Variants in GPSM2 observed in about 807,000 individuals in gnomAD.
The protein encoded by GPSM2 is G protein-signaling modulator 2.
Under a neutral mutation model 78.4 loss-of-function variants are expected in GPSM2, and 58 were observed. The observed-to-expected ratio is 0.74, with a 90% CI of 0.60 to 0.92. GPSM2 has a LOEUF of 0.92. Among genes scored for constraint, GPSM2 ranks in the 40% least tolerant of loss-of-function variants. GPSM2 has a pLI of 0.00. For missense variants in GPSM2, 700 were observed against 815.5 expected (o/e 0.86, Z 1.73); for synonymous variants, 224 against 280.2 (o/e 0.80, Z 2.00).
intron 2 of GPSM2, among the ~76,000 whole-genome samples, chr1:108,894,165 A>G (rs1234881312): frequency 6.6e-6 from 1 of 152,216 alleles, no homozygotes; most frequent in Non-Finnish European, 1.5e-5. Flanking sequence ...TTTATGAAAT[A>G]TCTCATTTTC....
chr1:108,911,933 G>T (rs1454760883), intron 10 of GPSM2, among the ~76,000 whole-genome samples: 1 of 150,890 alleles, frequency 6.6e-6, no homozygotes, highest in Non-Finnish European at 1.5e-5. Context: ...AGCCTCCTGA[G>T]TAGCTGGGAC....
rs918603293 is a variant in GPSM2 at position 108,929,960 on chromosome 1, T to G, written c.*20T>G. 2 of 1,608,352 alleles carry G rather than the reference T, an allele frequency of 1.2e-6. No homozygotes were observed. The highest frequency in any genetic ancestry group is 1.7e-5 in the Admixed American group (1 of 59,842). ...CATTAGTTACTATGGATTTATTTTT[T>G]TTCCTTTCAAACACGGTAAGGAAAC... On this transcript the variant is annotated 3_prime_UTR_variant, in exon 15 of 15. Coordinates refer to ENST00000264126, the MANE Select transcript of GPSM2 (RefSeq NM_013296.5).
intron 1 of GPSM2, among the ~76,000 whole-genome samples, chr1:108,880,168 GTGA>G: frequency 6.6e-6 from 1 of 152,302 alleles, no homozygotes; most frequent in Non-Finnish European, 1.5e-5. Context: ...CCACAGAATG[GTGA>G]TAACTTTTGG....
At chr1:108,914,907 A>T (rs1650061999) in intron 11 of GPSM2, among the ~76,000 whole-genome samples, 1 of 151,386 alleles carries the variant, frequency 6.6e-6, no homozygotes, top group African/African-American at 2.4e-5. Flanking sequence ...CTTGAAAAGC[A>T]TTTTTTTTTA....
At chr1:108,927,797 C>T (rs1303505983) in intron 14 of GPSM2, among the ~76,000 whole-genome samples, 1 of 152,018 alleles carries the variant, frequency 6.6e-6, no homozygotes. Flanking sequence ...TAGTGAGACC[C>T]CATCTCTATA....
intron 1 of GPSM2, among the ~76,000 whole-genome samples, chr1:108,884,539 G>T (rs1484856569): frequency 6.6e-6 from 1 of 152,118 alleles, no homozygotes; most frequent in Non-Finnish European, 1.5e-5. Context: ...TCTTATTTAG[G>T]ACTATACTGA....
intron 7 of GPSM2, among the ~76,000 whole-genome samples, chr1:108,899,868 C>T (rs964959172): frequency 2.0e-5 from 3 of 152,134 alleles, no homozygotes; most frequent in Non-Finnish European, 4.4e-5. Context: ...AATAGCATTC[C>T]ACTTTGCTTT....
intron 5 of GPSM2, among the ~76,000 whole-genome samples, chr1:108,898,372 A>G (rs1390689885): frequency 2.0e-5 from 3 of 152,240 alleles, no homozygotes; most frequent in African/African-American, 4.8e-5. Flanking sequence ...TCTTTTACCA[A>G]TAGAATTTCA....
Position 108,898,757 on chromosome 1 carries a change from CA to C in GPSM2, c.674del (p.His225LeufsTer56). On this transcript the variant is annotated frameshift_variant, in exon 6 of 15. Transcript: ENST00000264126. LOFTEE classifies it high-confidence loss of function. The part of the protein sequence containing the change: ...LGNFRDAVIA[H>X]EQRLLIAKEF... Reference sequence around the variant, plus strand: ...CAACTTCAGGGATGCAGTTATAGCTCATGAGCAGGTACAGTGGAAAGCCTTG... The same window carrying C: ...CAACTTCAGGGATGCAGTTATAGCTCTGAGCAGGTACAGTGGAAAGCCTTG... The C allele has an allele frequency of 6.2e-7, 1 of 1,613,990 alleles. No individual in the cohort carries two copies. Among genetic ancestry groups the C allele is most frequent in the Non-Finnish European group, 8.5e-7 (1 of 1,179,906 alleles).
chr1:108,885,538 A>G lies in GPSM2; in HGVS notation c.16A>G (p.Ile6Val). MEENL[I>V]SMREDHSFHV... is the part of the protein sequence containing the mutation. ...ATATGACTCGATGGAGGAAAATTTG[A>G]TAAGCATGAGAGAAGACCATTCTTT... is the stretch of plus-strand genomic sequence containing the variant. The change falls in exon 2 of 15, where the codon ATA becomes GTA. Residue 6 changes from isoleucine (I) to valine (V), a missense_variant. Coordinates refer to ENST00000264126, the MANE Select transcript of GPSM2 (RefSeq NM_013296.5). 2 of 1,578,672 alleles carry G rather than the reference A, an allele frequency of 1.3e-6. No individual in the cohort carries two copies. Among genetic ancestry groups the G allele is most frequent in the Non-Finnish European group, 1.7e-6 (2 of 1,148,062 alleles).
intron 14 of GPSM2, among the ~76,000 whole-genome samples, chr1:108,928,854 G>C (rs1320997276): frequency 6.6e-6 from 1 of 152,020 alleles, no homozygotes; most frequent in Non-Finnish European, 1.5e-5. Context: ...GCCAGGTGTG[G>C]TGACGCATGC....
At chr1:108,918,503 TCCC>T (rs2101527682) in intron 11 of GPSM2, 107 bp from the exon 12 acceptor site, 1 of 792,022 alleles carries the variant, frequency 1.3e-6, no homozygotes, top group East Asian at 2.5e-5. Flanking sequence ...TCTTCCTCTC[TCCC>T]CCAATAGTAA....
chr1:108,919,222 G>A (rs982350324), intron 12 of GPSM2, among the ~76,000 whole-genome samples: 12 of 152,082 alleles, frequency 7.9e-5, no homozygotes, highest in African/African-American at 2.2e-4. Flanking sequence ...TGGCCAGGCT[G>A]GTGTCAAACT....
chr1:108,904,553 TTCTCTA>T (rs903856886), intron 10 of GPSM2, among the ~76,000 whole-genome samples: 5 of 151,314 alleles, frequency 3.3e-5, no homozygotes, highest in African/African-American at 1.2e-4. Flanking sequence ...TACATTTAAA[TTCTCTA>T]TCTCTAAGCT....
chr1:108,912,972 T>C (rs575859656), intron 10 of GPSM2, among the ~76,000 whole-genome samples: 10 of 152,096 alleles, frequency 6.6e-5, no homozygotes, highest in Admixed American at 2.6e-4. Flanking sequence ...TGAGAAGATA[T>C]TTAACTTCAT....
chr1:108,929,830 C>A lies in GPSM2; in HGVS notation c.1945C>A (p.Leu649Ile). 6.2e-7 allele frequency: 1 copy of A among 1,614,024 alleles called. No individual in the cohort carries two copies. Among genetic ancestry groups the A allele is most frequent in the Non-Finnish European group, 8.5e-7 (1 of 1,179,952 alleles). ...QGKRMDEQRV[L>I]LQRDQNRDTD... ...AAAGAGAATGGATGAACAGAGAGTT[C>A]TTTTACAAAGAGATCAAAACAGAGA... Residue 649 changes from leucine to isoleucine, a missense_variant, in exon 15 of 15, where the codon CTT (leucine) becomes ATT (isoleucine). Physicochemically the swap from Leu to Ile is conservative, Grantham distance 5. Coordinates refer to ENST00000264126, the MANE Select transcript of GPSM2 (RefSeq NM_013296.5).
chr1:108,910,799 G>C (rs1649670500), intron 10 of GPSM2, among the ~76,000 whole-genome samples: 1 of 151,564 alleles, frequency 6.6e-6, no homozygotes, highest in Admixed American at 6.6e-5. Context: ...GGAGGCAGAG[G>C]TTGCAGTGAG....
rs1440375474 is a variant in GPSM2, at chr1:108,932,571, A to G, written c.*2631A>G. On this transcript the variant is annotated 3_prime_UTR_variant, in exon 15 of 15. Coordinates refer to ENST00000264126, the MANE Select transcript of GPSM2 (RefSeq NM_013296.5). ...TTAAAAGAATTTGGTTTTGGATTAA[A>G]AGGCATGCAAGCAGCATTAATTCCA... The G allele has an allele frequency of 6.6e-6, 1 of 152,228 alleles. No homozygotes were observed. The highest frequency in any genetic ancestry group is 1.5e-5 in the Non-Finnish European group (1 of 68,030). The allele number at this position is 152,228 out of a possible 1,614,324, so 9.4% of individuals were successfully genotyped here. A position where few individuals can be genotyped will look rare whatever the true frequency, so the allele number is the denominator to read the frequency against.
chr1:108,923,621 C>A (rs1557879847), intron 13 of GPSM2, among the ~76,000 whole-genome samples: 1 of 152,162 alleles, frequency 6.6e-6, no homozygotes, highest in Admixed American at 6.5e-5. Context: ...GTATCCAGGG[C>A]TTGGAATAAA....
Sources: gnomAD v4.1 joint callset for allele counts (sites outside exome capture counted in the v4.1 genomes callset) on GRCh38, gnomAD v4.1.1 for gene constraint, MANE v1.5 for transcripts, NCBI Gene and HGNC (gene_info 2026-07-23, HGNC 2026-07-21) for gene names.